Variants in EDNRB observed in about 807,000 individuals in gnomAD.
EDNRB encodes the protein Hirschsprung disease 2.
Under a neutral mutation model 46.4 loss-of-function variants are expected in EDNRB, and 18 were observed. The observed-to-expected ratio is 0.39, with a 90% CI of 0.27 to 0.57. The LOEUF is 0.57. Among genes scored for constraint, EDNRB ranks in the 20% least tolerant of loss-of-function variants. The pLI is 0.61. For missense variants in EDNRB, 434 were observed against 537.5 expected (o/e 0.81, Z 1.90); for synonymous variants, 213 against 204.9 (o/e 1.04, Z -0.34).
chr13:77,967,302 A>C (rs1881609715), intron 1 of EDNRB, among the ~76,000 whole-genome samples: 2 of 152,154 alleles, frequency 1.3e-5, no homozygotes, highest in Admixed American at 6.6e-5. Context: ...CATCTTTTGC[A>C]GCCAGGAGTG....
intron 1 of EDNRB, among the ~76,000 whole-genome samples, chr13:77,948,508 A>T (rs1234047691): frequency 6.6e-6 from 1 of 152,180 alleles, no homozygotes; most frequent in African/African-American, 2.4e-5. Context: ...CCATGTTTTC[A>T]TATACTAGTG....
intron 1 of EDNRB, among the ~76,000 whole-genome samples, chr13:77,956,261 C>CT (rs199839407): frequency 3.3e-5 from 5 of 151,344 alleles, no homozygotes; most frequent in African/African-American, 4.9e-5. Flanking sequence ...TTATTCCTAA[C>CT]TTTTTTTTTG....
chr13:77,945,876 C>CAA (rs67463440), intron 1 of EDNRB, among the ~76,000 whole-genome samples: 2,585 of 115,542 alleles, frequency 0.022, 53 homozygotes, highest in African/African-American at 0.057. Flanking sequence ...TGCAAAAAAC[C>CAA]AAAAAAAAAA....
chr13:77,900,634 G>A lies in EDNRB; in HGVS notation c.972C>T (p.Thr324=), dbSNP rs57369841. 11 of 1,612,230 alleles carry A rather than the reference G, an allele frequency of 6.8e-6. No homozygotes were observed. The highest frequency in any genetic ancestry group is 9.3e-6 in the Non-Finnish European group (11 of 1,179,000). ...HLKQRREVAK[T]VFCLVLVFAL... ...CAAAGACAAGGACCAGGCAAAAGACGGTTTTGGCCACTTCCCGTCTCTGAA... is the reference window on the plus strand; with the variant it reads ...CAAAGACAAGGACCAGGCAAAAGACAGTTTTGGCCACTTCCCGTCTCTGAA... The change falls in exon 5 of 7, where the codon ACC becomes ACT. Residue 324 remains threonine (T), a synonymous_variant. Transcript: ENST00000646607.
chr13:77,920,065 C>T, upstream of EDNRB: 1 of 159,118 alleles, frequency 6.3e-6, no homozygotes, highest in Non-Finnish European at 1.4e-5. Flanking sequence ...CCTCTCACTG[C>T]CCCGAGAGAG....
intron 1 of EDNRB, among the ~76,000 whole-genome samples, chr13:77,933,566 C>A (rs1053369803): frequency 1.3e-5 from 2 of 152,064 alleles, no homozygotes; most frequent in African/African-American, 4.8e-5. Flanking sequence ...CAGGAACTGG[C>A]CATCTGGATG....
At chr13:77,966,126 T>C (rs766247737) in intron 1 of EDNRB, among the ~76,000 whole-genome samples, 3 of 152,140 alleles carry the variant, frequency 2.0e-5, no homozygotes, top group Non-Finnish European at 2.9e-5. Flanking sequence ...TGGGCTCAAG[T>C]GCTCCTCATA....
intron 1 of EDNRB, among the ~76,000 whole-genome samples, chr13:77,960,915 T>C (rs1881391565): frequency 6.7e-6 from 1 of 149,162 alleles, no homozygotes; most frequent in South Asian, 2.1e-4. Flanking sequence ...TAAAACAGAC[T>C]TTAAACCAAC....
intron 1 of EDNRB, among the ~76,000 whole-genome samples, chr13:77,927,756 T>C (rs891503310): frequency 8.5e-5 from 13 of 152,330 alleles, no homozygotes; most frequent in Admixed American, 8.5e-4. Context: ...GTCAAATATT[T>C]GTAAGAAAAG....
At chr13:77,916,237 C>G (rs1879800507) in intron 1 of EDNRB, among the ~76,000 whole-genome samples, 1 of 152,174 alleles carries the variant, frequency 6.6e-6, no homozygotes, top group Non-Finnish European at 1.5e-5. Context: ...GGGAAGAGAT[C>G]TTGTTAGATT....
chr13:77,954,578 C>T (rs1014616995), intron 1 of EDNRB, among the ~76,000 whole-genome samples: 1 of 151,838 alleles, frequency 6.6e-6, no homozygotes. Context: ...GTGGCACGAT[C>T]TCGGCTCACT....
rs188675147 is a variant in EDNRB, at chr13:77,966,575, T to C, written c.-52+8772A>G. Among the ~76,000 whole-genome samples, 970 of 152,236 alleles carry C rather than the reference T, an allele frequency of 6.4e-3. 13 individuals are homozygous for C. The highest frequency in any genetic ancestry group is 7.6e-3 in the Non-Finnish European group (516 of 68,016). On this transcript the variant is annotated intron_variant, in intron 1 of 7. Coordinates refer to the EDNRB transcript ENST00000646948. ...AAAATGATGTTCAGAATGCACAAAA[T>C]AATTAAACTCTTAAGCTATGAAATA...
intron 1 of EDNRB, among the ~76,000 whole-genome samples, chr13:77,916,914 C>CTT (rs11388909): frequency 0.011 from 1,573 of 147,420 alleles, 22 homozygotes; most frequent in South Asian, 0.029. Context: ...ATTTAGACTG[C>CTT]TTTTTTTTTT....
chr13:77,909,728 G>A (rs576518343), intron 1 of EDNRB, among the ~76,000 whole-genome samples: 2 of 152,068 alleles, frequency 1.3e-5, no homozygotes, highest in African/African-American at 4.8e-5. Flanking sequence ...ACGATGAACG[G>A]ATGAGTGGAT....
chr13:77,921,122 A>G (rs1880074929), upstream of EDNRB, among the ~76,000 whole-genome samples: 1 of 152,172 alleles, frequency 6.6e-6, no homozygotes, highest in Non-Finnish European at 1.5e-5. Flanking sequence ...GTCACTATTG[A>G]TTTCGTGTGA....
intron 1 of EDNRB, among the ~76,000 whole-genome samples, chr13:77,908,043 A>AAAAGAG (rs4052535): frequency 0.45 from 32,508 of 72,084 alleles, 8,497 homozygotes; most frequent in Non-Finnish European, 0.54. Context: ...AAAAAAAAAA[A>AAAAGAG]AGAGAGAGAG....
intron 1 of EDNRB, among the ~76,000 whole-genome samples, chr13:77,930,261 G>T (rs769754097): frequency 1.3e-5 from 2 of 152,152 alleles, no homozygotes; most frequent in Non-Finnish European, 2.9e-5. Flanking sequence ...ACTGAAAGCA[G>T]TAAAAAATAG....
upstream of EDNRB, chr13:77,919,080 C>A: frequency 2.0e-6 from 1 of 490,760 alleles, no homozygotes; most frequent in East Asian, 4.8e-5. Flanking sequence ...CGATTGAACT[C>A]GAAAGACTCC....
At chr13:77,926,162 G>A (rs779042163) in intron 1 of EDNRB, among the ~76,000 whole-genome samples, 16 of 152,064 alleles carry the variant, frequency 1.1e-4, no homozygotes, top group Non-Finnish European at 2.1e-4. Flanking sequence ...GGGGACCCTG[G>A]GACATTTTCC....
Sources: gnomAD v4.1 joint callset for allele counts (sites outside exome capture counted in the v4.1 genomes callset) on GRCh38, gnomAD v4.1.1 for gene constraint, MANE v1.5 for transcripts, NCBI Gene and HGNC (gene_info 2026-07-23, HGNC 2026-07-21) for gene names.